Variants in TMEM132C observed in about 807,000 individuals in gnomAD.
The protein encoded by TMEM132C is transmembrane protein 132C, also known as protein phosphatase 1, regulatory subunit 152.
In TMEM132C, 29 loss-of-function variants were observed where a neutral mutation model predicts 61.4. The observed-to-expected ratio is 0.47, with a 90% CI of 0.35 to 0.64. The LOEUF (loss-of-function observed/expected upper bound fraction) is 0.64. TMEM132C is among the 30% of genes least tolerant of loss of function. TMEM132C has a pLI of 0.00. For missense variants in TMEM132C, 1,408 were observed against 1,476.9 expected (o/e 0.95, Z 0.76); for synonymous variants, 656 against 633.1 (o/e 1.04, Z -0.54).
chr12:128,413,159 C>T (rs149066860), intron 1 of TMEM132C, among the ~76,000 whole-genome samples: 2,319 of 152,026 alleles, frequency 0.015, 28 homozygotes, highest in Non-Finnish European at 0.025. Context: ...ATTAGCCAGG[C>T]ATGGTGGTGG....
At chr12:128,516,970 C>T (rs1219869496) in intron 2 of TMEM132C, among the ~76,000 whole-genome samples, 2 of 151,618 alleles carry the variant, frequency 1.3e-5, no homozygotes, top group African/African-American at 4.9e-5. Flanking sequence ...GCCTGTAATA[C>T]CAACAATTTT....
At position 128,699,833 on chromosome 12, in the gene TMEM132C, T is replaced by A. The variant is rs1954791689; in HGVS notation, c.2121+2418T>A. ...AATGAAGAGAGAGTTGCTACCTGAT[T>A]TTGCCCCAGAGTGTCAGCAGGAGGG... On this transcript the variant is annotated intron_variant, in intron 8 of 8. Transcript: ENST00000435159. 2.6e-5 allele frequency among the ~76,000 whole-genome samples: 4 copies of A among 152,268 alleles called. No homozygotes were observed. The South Asian group carries it at 8.3e-4, about 32-fold the overall frequency.
At chr12:128,412,568 C>T (rs1485967941) in intron 1 of TMEM132C, among the ~76,000 whole-genome samples, 1 of 152,134 alleles carries the variant, frequency 6.6e-6, no homozygotes, top group African/African-American at 2.4e-5. Context: ...GTGAGTAAGT[C>T]TCACAAGATC....
At chr12:128,643,742 C>T (rs1473526587) in intron 4 of TMEM132C, among the ~76,000 whole-genome samples, 2 of 152,198 alleles carry the variant, frequency 1.3e-5, no homozygotes, top group Non-Finnish European at 2.9e-5. Flanking sequence ...CTGCTTCCAA[C>T]TGCTCTCGTT....
chr12:128,665,818 CAT>C (rs1228672232), intron 4 of TMEM132C, among the ~76,000 whole-genome samples: 1 of 134,422 alleles, frequency 7.4e-6, no homozygotes, highest in African/African-American at 3.4e-5. Flanking sequence ...GGCACACACA[CAT>C]TCACAGGCAC....
chr12:128,577,299 T>C (rs1478087480), intron 3 of TMEM132C, among the ~76,000 whole-genome samples: 1 of 152,246 alleles, frequency 6.6e-6, no homozygotes, highest in Non-Finnish European at 1.5e-5. Flanking sequence ...ATTGTATGGG[T>C]ACACCACAGG....
intron 1 of TMEM132C, among the ~76,000 whole-genome samples, chr12:128,327,337 C>G (rs921515443): frequency 3.3e-5 from 5 of 149,412 alleles, no homozygotes; most frequent in Admixed American, 2.6e-4. Flanking sequence ...AGAACGTGTG[C>G]CCCAGGTGCC....
intron 2 of TMEM132C, among the ~76,000 whole-genome samples, chr12:128,482,666 T>A (rs886350223): frequency 2.6e-5 from 4 of 152,164 alleles, no homozygotes; most frequent in Non-Finnish European, 5.9e-5. Flanking sequence ...TATTAGTCTA[T>A]TCAGGGATTC....
intron 2 of TMEM132C, among the ~76,000 whole-genome samples, chr12:128,527,206 A>G (rs1330896359): frequency 1.3e-5 from 2 of 152,234 alleles, no homozygotes; most frequent in African/African-American, 4.8e-5. Flanking sequence ...TTGCACCCCA[A>G]CATGACAAGA....
intron 1 of TMEM132C, among the ~76,000 whole-genome samples, chr12:128,387,842 T>G (rs1412607869): frequency 6.6e-6 from 1 of 152,114 alleles, no homozygotes; most frequent in African/African-American, 2.4e-5. Context: ...GCAATTTTTG[T>G]GTGTGGAGAC....
chr12:128,549,024 A>C (rs1213327374), intron 3 of TMEM132C, among the ~76,000 whole-genome samples: 1 of 152,124 alleles, frequency 6.6e-6, no homozygotes, highest in Admixed American at 6.5e-5. Flanking sequence ...AACAAGGGGA[A>C]ACTGTCCAAG....
chr12:128,654,281 CAG>C (rs1375569903), intron 4 of TMEM132C, among the ~76,000 whole-genome samples: 1 of 152,040 alleles, frequency 6.6e-6, no homozygotes, highest in Non-Finnish European at 1.5e-5. Flanking sequence ...GTGGCAGAGG[CAG>C]AGATTGCAGC....
intron 1 of TMEM132C, among the ~76,000 whole-genome samples, chr12:128,369,246 A>G (rs1425339582): frequency 6.6e-6 from 1 of 152,206 alleles, no homozygotes; most frequent in East Asian, 1.9e-4. Flanking sequence ...AGATTATCTC[A>G]TTGATACTTA....
chr12:128,700,916 A>G (rs1954799260), intron 8 of TMEM132C, among the ~76,000 whole-genome samples: 1 of 152,194 alleles, frequency 6.6e-6, no homozygotes, highest in African/African-American at 2.4e-5. Context: ...TTCAGGTGCA[A>G]GTAGTTTATT....
At chr12:128,268,866 G>A (rs1193384) in intron 1 of TMEM132C, among the ~76,000 whole-genome samples, 110,117 of 132,488 alleles carry the variant, frequency 0.83, 45,269 homozygotes, top group Middle Eastern at 0.9. Flanking sequence ...CTCCAGGTAG[G>A]GAGGAGGGTG....
intron 2 of TMEM132C, among the ~76,000 whole-genome samples, chr12:128,426,454 C>A (rs1453951417): frequency 6.6e-6 from 1 of 152,124 alleles, no homozygotes; most frequent in Non-Finnish European, 1.5e-5. Flanking sequence ...CAGAAGAGAC[C>A]CTAAAACACG....
chr12:128,300,482 GT>G (rs1377370219), intron 1 of TMEM132C, among the ~76,000 whole-genome samples: 3 of 152,214 alleles, frequency 2.0e-5, no homozygotes, highest in South Asian at 2.1e-4. Context: ...TGTGAAGAAA[GT>G]TTTTCACAGC....
At chr12:128,595,404 G>T (rs896244508) in intron 3 of TMEM132C, among the ~76,000 whole-genome samples, 1 of 152,208 alleles carries the variant, frequency 6.6e-6, no homozygotes, top group Non-Finnish European at 1.5e-5. Flanking sequence ...CTAGAGTCCA[G>T]GGTGTTAAGG....
chr12:128,267,548 C>G (rs1870349951), intron 1 of TMEM132C, 61 bp downstream of exon 1: 1 of 1,195,062 alleles, frequency 8.4e-7, no homozygotes. Flanking sequence ...TCCGGGGGAG[C>G]TCGGGGTGAG....
Sources: allele counts gnomAD v4.1 joint callset (sites outside exome capture counted in the v4.1 genomes callset), GRCh38; gene constraint gnomAD v4.1.1; transcripts MANE v1.5; gene names NCBI Gene and HGNC (gene_info 2026-07-23, HGNC 2026-07-21).